Variants in TECR observed in about 807,000 individuals in gnomAD.
TECR encodes the protein trans-2,3-enoyl-CoA reductase.
TECR carries 19 observed loss-of-function variants against 50.6 expected under a neutral mutation model. The ratio of observed to expected loss-of-function variants is 0.38; its 90% CI spans 0.26 to 0.55. TECR has a LOEUF of 0.55. Among genes scored for constraint, TECR ranks in the 20% least tolerant of loss-of-function variants. TECR has a pLI of 0.79. For synonymous variants in TECR, 168 were observed against 163.5 expected (o/e 1.03, Z -0.21); for missense variants, 313 against 408.3 (o/e 0.77, Z 2.01).
At chr19:14,559,154 C>T (rs557568312) in intron 1 of TECR, among the ~76,000 whole-genome samples, 8 of 152,244 alleles carry the variant, frequency 5.3e-5, no homozygotes, top group South Asian at 4.1e-4. Context: ...CTGTTTGTTA[C>T]CCCTCACCCC....
intron 1 of TECR, among the ~76,000 whole-genome samples, chr19:14,537,556 C>T (rs2072946357): frequency 1.3e-5 from 2 of 152,086 alleles, no homozygotes; most frequent in South Asian, 4.1e-4. Flanking sequence ...CATTGACAAG[C>T]CTGGCTGCGT....
intron 1 of TECR, among the ~76,000 whole-genome samples, chr19:14,535,582 A>ATATATATG (rs1294445421): frequency 2.6e-4 from 10 of 38,820 alleles, no homozygotes; most frequent in African/African-American, 7.9e-4. Flanking sequence ...ATATATATAT[A>ATATATATG]TATATATGTA....
chr19:14,565,294 AG>A lies in TECR; in HGVS notation c.753+8del. 6.2e-7 allele frequency: 1 copy of A among 1,612,534 alleles called. No individual in the cohort carries two copies. Among genetic ancestry groups the A allele is most frequent in the Middle Eastern group, 1.9e-4 (1 of 5,260 alleles). ...CTGCCCCAACTACACCTACGAGGTG[AG>A]GGGCTGCCTTACCCCTCTCTGCCCT... On this transcript the variant is annotated splice_donor_5th_base_variant and intron_variant, in intron 11 of 12. Transcript: ENST00000215567.
chr19:14,531,742 C>T (rs2072675866), intron 1 of TECR: 1 of 152,136 alleles, frequency 6.6e-6, no homozygotes. Context: ...CTTTAACCCA[C>T]AAATCCTGTA....
chr19:14,562,244 G>A, intron 1 of TECR: 1 of 602,960 alleles, frequency 1.7e-6, no homozygotes, highest in Non-Finnish European at 3.0e-6. Flanking sequence ...GCCGGCACGG[G>A]CTCCTTTCCA....
intron 1 of TECR, among the ~76,000 whole-genome samples, chr19:14,559,345 C>T (rs188826203): frequency 1.3e-5 from 2 of 152,156 alleles, no homozygotes; most frequent in African/African-American, 2.4e-5. Flanking sequence ...CCATTCCCCC[C>T]GCCCAGCCCC....
chr19:14,562,689 G>A (rs1368864200), intron 2 of TECR, 114 bp downstream of exon 2: 3 of 1,214,948 alleles, frequency 2.5e-6, no homozygotes, highest in Non-Finnish European at 2.4e-6. Context: ...CTGCCCTATG[G>A]AGGGGTATGC....
chr19:14,545,058 C>G, intron 1 of TECR: 1 of 456,504 alleles, frequency 2.2e-6, no homozygotes, highest in Non-Finnish European at 4.4e-6. Context: ...GTTTCTAAGC[C>G]TCTCACCACT....
chr19:14,534,791 A>G (rs2072805011), intron 1 of TECR, among the ~76,000 whole-genome samples: 1 of 152,182 alleles, frequency 6.6e-6, no homozygotes, highest in Non-Finnish European at 1.5e-5. Context: ...TCTACTTTAC[A>G]GATAATGCAA....
At chr19:14,533,126 A>G (rs1330482612) in intron 1 of TECR, among the ~76,000 whole-genome samples, 1 of 150,374 alleles carries the variant, frequency 6.7e-6, no homozygotes, top group East Asian at 2.0e-4. Flanking sequence ...AAAATAAATA[A>G]AGGATATATT....
At chr19:14,544,065 G>GC (rs1221805933) in intron 1 of TECR, among the ~76,000 whole-genome samples, 2 of 152,184 alleles carry the variant, frequency 1.3e-5, no homozygotes, top group African/African-American at 4.8e-5. Flanking sequence ...AAATCTCCCA[G>GC]CCAGGGGTGG....
chr19:14,530,267 A>G (rs1207274389), intron 1 of TECR: 1 of 166,812 alleles, frequency 6.0e-6, no homozygotes, highest in Non-Finnish European at 1.3e-5. Flanking sequence ...GAGGTCATCT[A>G]CGTCAACCCT....
intron 1 of TECR, chr19:14,544,998 C>G (rs2073250860): frequency 2.3e-6 from 1 of 431,346 alleles, no homozygotes; most frequent in Non-Finnish European, 4.7e-6. Context: ...TCACTCCTTC[C>G]CTTCTCTGTT....
At chr19:14,552,726 C>T (rs760725082) in intron 1 of TECR, among the ~76,000 whole-genome samples, 35 of 151,942 alleles carry the variant, frequency 2.3e-4, no homozygotes, top group East Asian at 9.7e-4. Context: ...TTAGTAGAGA[C>T]GGGGTTTCAC....
chr19:14,544,868 A>G (rs2073247145), intron 1 of TECR, among the ~76,000 whole-genome samples: 5 of 152,180 alleles, frequency 3.3e-5, no homozygotes, highest in Middle Eastern at 3.4e-3. Context: ...CATGGGCTCC[A>G]GTGATCCTCC....
intron 1 of TECR, among the ~76,000 whole-genome samples, chr19:14,549,286 C>G (rs1390167103): frequency 6.9e-6 from 1 of 145,224 alleles, no homozygotes; most frequent in Non-Finnish European, 1.5e-5. Flanking sequence ...GATCTCAGCT[C>G]ACTGCAACCT....
At chr19:14,539,999 C>G (rs2073040926) in intron 1 of TECR, among the ~76,000 whole-genome samples, 1 of 151,990 alleles carries the variant, frequency 6.6e-6, no homozygotes, top group Admixed American at 6.6e-5. Context: ...CCTGCCTCAG[C>G]CTCCTGAGTA....
At chr19:14,532,338 G>A (rs934472491) in intron 1 of TECR, 2 of 151,974 alleles carry the variant, frequency 1.3e-5, no homozygotes, top group Non-Finnish European at 1.5e-5. Context: ...TTGAGGTGAG[G>A]AGTTCAAGAC....
chr19:14,562,711 G>A (rs2073938932), intron 2 of TECR, 136 bp downstream of exon 2: 3 of 1,004,766 alleles, frequency 3.0e-6, no homozygotes, highest in African/African-American at 1.6e-5. Flanking sequence ...CTCACTTGGG[G>A]TAGGGTGGAT....
Sources: allele counts gnomAD v4.1 joint callset (sites outside exome capture counted in the v4.1 genomes callset), GRCh38; gene constraint gnomAD v4.1.1; transcripts MANE v1.5; gene names NCBI Gene and HGNC (gene_info 2026-07-23, HGNC 2026-07-21).